RANBP2: variants seen among roughly 807,000 people sequenced by gnomAD.
RANBP2 encodes RAN binding protein 2, also known as E3 SUMO-protein ligase RanBP2.
Under a neutral mutation model 303.6 loss-of-function variants are expected in RANBP2, and 57 were observed. The ratio of observed to expected loss-of-function variants is 0.19; its 90% confidence interval spans 0.15 to 0.23. RANBP2 has a LOEUF of 0.23. Ranked by LOEUF, RANBP2 falls within the 10% of genes least tolerant of loss-of-function variation. RANBP2 has a pLI of 1.00. For missense variants in RANBP2, 3,138 were observed against 3,780.8 expected (o/e 0.83, Z 4.46); for synonymous variants, 1,167 against 1,301.5 (o/e 0.90, Z 2.23).
chr2:109,541,024 G>A, the RANBP2 span, among the ~76,000 whole-genome samples: 27 of 152,230 alleles, frequency 1.8e-4, no homozygotes, highest in African/African-American at 5.3e-4. Context: ...TACTACATGC[G>A]TTCTGGTTGT....
the RANBP2 span, among the ~76,000 whole-genome samples, chr2:109,682,763 C>G: frequency 0.058 from 8,830 of 152,196 alleles, 308 homozygotes; most frequent in Middle Eastern, 0.1. Flanking sequence ...AACATGGCAG[C>G]TCCCATCTCT....
At chr2:109,337,477 A>G in the RANBP2 span, among the ~76,000 whole-genome samples, 1 of 152,182 alleles carries the variant, frequency 6.6e-6, no homozygotes, top group Non-Finnish European at 1.5e-5. Flanking sequence ...AAATGGTGAT[A>G]AGGGACTGTG....
chr2:108,877,230 G>A, the RANBP2 span, among the ~76,000 whole-genome samples: 2 of 152,150 alleles, frequency 1.3e-5, no homozygotes, highest in Non-Finnish European at 2.9e-5. Context: ...CACTCTAGGA[G>A]GCTGAGGTGG....
rs1396151863 is a variant in RANBP2 at position 108,742,198 on chromosome 2, G to A, written c.975+1517G>A. 3.3e-5 allele frequency among the ~76,000 whole-genome samples: 5 copies of A among 152,100 alleles called. No homozygotes were observed. In the East Asian group the frequency reaches 9.7e-4, roughly 29 times the overall value. ...TTTAGTAGAGACGGGGTTTCTCCATGTTGGTCAGGCTGATCTCGAACTCCT... is the reference window on the plus strand; with the variant it reads ...TTTAGTAGAGACGGGGTTTCTCCATATTGGTCAGGCTGATCTCGAACTCCT... On this transcript the variant is annotated intron_variant, in intron 7 of 28. Transcript: ENST00000283195.
the RANBP2 span, among the ~76,000 whole-genome samples, chr2:109,286,691 T>G: frequency 1.3e-5 from 2 of 152,186 alleles, no homozygotes; most frequent in Non-Finnish European, 2.9e-5. Context: ...GCTCATCTGC[T>G]AGCAAAACCT....
the RANBP2 span, among the ~76,000 whole-genome samples, chr2:109,215,075 C>T: frequency 6.6e-6 from 1 of 152,194 alleles, no homozygotes; most frequent in Non-Finnish European, 1.5e-5. Context: ...AAATGAGCAG[C>T]GTTAAACCTT....
At chr2:109,719,630 C>T in the RANBP2 span, among the ~76,000 whole-genome samples, 5 of 152,140 alleles carry the variant, frequency 3.3e-5, no homozygotes, top group African/African-American at 4.8e-5. Flanking sequence ...TGGTCTCGAT[C>T]TCTTGATCTC....
At chr2:109,452,730 G>GCCAGGAGGCTTGTC in the RANBP2 span, among the ~76,000 whole-genome samples, 1 of 151,782 alleles carries the variant, frequency 6.6e-6, no homozygotes, top group Non-Finnish European at 1.5e-5. Flanking sequence ...GGAGGCTTGT[G>GCCAGGAGGCTTGTC]CCAGGAGGCT....
chr2:109,531,765 A>G, the RANBP2 span, among the ~76,000 whole-genome samples: 20 of 152,224 alleles, frequency 1.3e-4, no homozygotes, highest in African/African-American at 4.8e-4. Flanking sequence ...ACATCAGTGC[A>G]TAAATATTGC....
At chr2:108,930,194 T>C in the RANBP2 span, 1 of 1,614,076 alleles carries the variant, frequency 6.2e-7, no homozygotes, top group Admixed American at 1.7e-5. Flanking sequence ...TAGTACTCGT[T>C]CTCACCGCAG....
the RANBP2 span, among the ~76,000 whole-genome samples, chr2:109,159,951 C>T: frequency 2.6e-5 from 4 of 152,080 alleles, no homozygotes; most frequent in Non-Finnish European, 4.4e-5. Flanking sequence ...TTCTATATTA[C>T]AATGTAATAA....
chr2:109,725,496 C>G, the RANBP2 span, among the ~76,000 whole-genome samples: 1 of 152,156 alleles, frequency 6.6e-6, no homozygotes, highest in East Asian at 1.9e-4. Context: ...GAACTCCCTC[C>G]CTGTAGGCTG....
intron 28 of RANBP2, 143 bp from the exon 29 acceptor site, chr2:108,783,453 T>C (rs1678401856): frequency 3.6e-6 from 2 of 557,858 alleles, no homozygotes; most frequent in Non-Finnish European, 6.0e-6. Context: ...ATGAATTTCT[T>C]AGTTTTCAAA....
the RANBP2 span, among the ~76,000 whole-genome samples, chr2:109,731,541 T>C: frequency 6.6e-6 from 1 of 151,976 alleles, no homozygotes; most frequent in Admixed American, 6.6e-5. Context: ...ACTACAGGTG[T>C]GCACCACCAC....
At chr2:108,812,624 C>A in the RANBP2 span, 1 of 1,606,144 alleles carries the variant, frequency 6.2e-7, no homozygotes, top group African/African-American at 1.3e-5. Context: ...CTTTTTCTAC[C>A]CTTTAGTTAA....
chr2:109,501,659 C>T, the RANBP2 span: 15 of 768,076 alleles, frequency 2.0e-5, no homozygotes, highest in Admixed American at 5.2e-5. Context: ...GCAGCTTCGT[C>T]GAGAGCTTCT....
chr2:109,384,154 C>T, the RANBP2 span, among the ~76,000 whole-genome samples: 2 of 152,218 alleles, frequency 1.3e-5, no homozygotes, highest in Non-Finnish European at 2.9e-5. Context: ...CCTTCCAGGC[C>T]GCCTGGGGTC....
the RANBP2 span, chr2:109,128,786 C>G: frequency 5.1e-6 from 1 of 195,418 alleles, no homozygotes; most frequent in African/African-American, 2.4e-5. Flanking sequence ...CTGAGGCTCA[C>G]GAAAAGCCGA....
the RANBP2 span, chr2:109,585,942 T>C: frequency 1.3e-6 from 1 of 783,538 alleles, no homozygotes; most frequent in Non-Finnish European, 2.1e-6. Context: ...TAAATGAAAA[T>C]TTTTATAATC....
Sources: allele counts gnomAD v4.1 joint callset (sites outside exome capture counted in the v4.1 genomes callset), GRCh38; gene constraint gnomAD v4.1.1; transcripts MANE v1.5; gene names NCBI Gene and HGNC (gene_info 2026-07-23, HGNC 2026-07-21).